The following LNX1 variants were observed in gnomAD, a reference collection of about 807,000 sequenced individuals.
LNX1 encodes the protein E3 ubiquitin-protein ligase LNX.
LNX1 carries 54 observed loss-of-function variants against 68.4 expected under a neutral mutation model. The ratio of observed to expected loss-of-function variants is 0.79; its 90% CI spans 0.63 to 0.99. The LOEUF (loss-of-function observed/expected upper bound fraction) is 0.99. Among genes scored for constraint, LNX1 ranks in the 50% least tolerant of loss-of-function variants. The probability of loss-of-function intolerance (pLI) is 0.00; values close to 1 mark genes in which losing one functional copy is unlikely to be tolerated. For missense variants in LNX1, 906 were observed against 926.4 expected, an observed-to-expected ratio of 0.98 and a Z score of 0.29; for synonymous variants, 336 against 350.0, an observed-to-expected ratio of 0.96 and a Z score of 0.45.
intron 2 of LNX1, among the ~76,000 whole-genome samples, chr4:53,509,343 T>C (rs1210141669): frequency 6.6e-6 from 1 of 152,228 alleles, no homozygotes; most frequent in African/African-American, 2.4e-5. Flanking sequence ...TAAATAGCCC[T>C]TTGAGATCCT....
In LNX1 at chr4:53,459,660, A is replaced by G. The variant is rs940944816; in HGVS notation, c.*1247T>C. On this transcript the variant is annotated 3_prime_UTR_variant, in exon 11 of 11. Transcript: ENST00000263925. ...CTATTTCAAAAATAAAAAGACAGCA[A>G]TGACTTTATATCCAAGAAAGGAATG... is the stretch of plus-strand genomic sequence containing the variant. 7 of 621,202 alleles carry G rather than the reference A, an allele frequency of 1.1e-5. No individual in the cohort carries two copies. The highest frequency in any genetic ancestry group is 7.4e-5 in the African/African-American group (4 of 53,942). The allele number at this position is 621,202 out of a possible 1,614,324, so 38.5% of individuals were successfully genotyped here. A position where few individuals can be genotyped will look rare whatever the true frequency, so the allele number is the denominator to read the frequency against.
At chr4:53,571,694 A>G (rs1731183184) in intron 2 of LNX1, among the ~76,000 whole-genome samples, 1 of 151,946 alleles carries the variant, frequency 6.6e-6, no homozygotes, top group Non-Finnish European at 1.5e-5. Context: ...AGACAGTCTC[A>G]CTTTGTCACT....
intron 2 of LNX1, among the ~76,000 whole-genome samples, chr4:53,526,915 A>G (rs17082949): frequency 0.09 from 13,718 of 152,108 alleles, 607 homozygotes; most frequent in Non-Finnish European, 0.1. Flanking sequence ...AAAATTATAG[A>G]GCTAATTCTT....
At chr4:53,524,955 G>C (rs1727504971) in intron 2 of LNX1, among the ~76,000 whole-genome samples, 1 of 152,130 alleles carries the variant, frequency 6.6e-6, no homozygotes, top group Non-Finnish European at 1.5e-5. Flanking sequence ...CAAGATCTTA[G>C]ACTTCCCCTT....
At chr4:53,502,934 CTTTT>C (rs34766553) in intron 4 of LNX1, among the ~76,000 whole-genome samples, 1 of 144,064 alleles carries the variant, frequency 6.9e-6, no homozygotes, top group Admixed American at 6.9e-5. Flanking sequence ...TTGGTCATAT[CTTTT>C]TTTTTTTTTT....
At chr4:53,636,179 CTTTTTTTT>C (rs11440722) in intron 1 of LNX1, among the ~76,000 whole-genome samples, 6 of 85,248 alleles carry the variant, frequency 7.0e-5, no homozygotes, top group Non-Finnish European at 6.2e-5. Context: ...TCTATTACTC[CTTTTTTTT>C]TTTTTTTTTT....
At chr4:53,540,381 C>T (rs1303726643) in intron 2 of LNX1, among the ~76,000 whole-genome samples, 3 of 151,934 alleles carry the variant, frequency 2.0e-5, no homozygotes, top group Non-Finnish European at 4.4e-5. Flanking sequence ...ACCCTGTCCC[C>T]GCCTCCCCAG....
intron 1 of LNX1, among the ~76,000 whole-genome samples, chr4:53,639,626 T>C (rs537529867): frequency 6.6e-5 from 10 of 152,302 alleles, no homozygotes; most frequent in Admixed American, 2.0e-4. Flanking sequence ...TAGAATGGAC[T>C]GTTTTGGGGT....
intron 9 of LNX1, among the ~76,000 whole-genome samples, chr4:53,465,481 A>G (rs189100257): frequency 1.3e-5 from 2 of 152,184 alleles, no homozygotes; most frequent in African/African-American, 4.8e-5. Flanking sequence ...TGAAGGAGGC[A>G]CTGTATTAAG....
chr4:53,475,593 A>G (rs1476313609), intron 9 of LNX1, among the ~76,000 whole-genome samples: 3 of 152,228 alleles, frequency 2.0e-5, no homozygotes, highest in Non-Finnish European at 4.4e-5. Flanking sequence ...TCATTTTTCC[A>G]TATTTAGTCC....
At chr4:53,613,554 C>T (rs755075608) in intron 2 of LNX1, among the ~76,000 whole-genome samples, 6 of 152,002 alleles carry the variant, frequency 3.9e-5, no homozygotes, top group Admixed American at 6.6e-5. Flanking sequence ...TGTTCCAATG[C>T]GGTATTTGGT....
At chr4:53,610,476 G>C (rs2109847256) in intron 2 of LNX1, among the ~76,000 whole-genome samples, 1 of 152,132 alleles carries the variant, frequency 6.6e-6, no homozygotes, top group East Asian at 1.9e-4. Flanking sequence ...GGGAGGCCGA[G>C]GTGGGCGGAT....
intron 9 of LNX1, among the ~76,000 whole-genome samples, chr4:53,474,303 CA>C (rs774158159): frequency 1.3e-5 from 2 of 152,206 alleles, no homozygotes. Flanking sequence ...AAACACAGGC[CA>C]GGGGTGAGCA....
intron 8 of LNX1, among the ~76,000 whole-genome samples, chr4:53,477,235 A>C (rs1723624078): frequency 6.6e-6 from 1 of 152,242 alleles, no homozygotes; most frequent in Non-Finnish European, 1.5e-5. Context: ...CGCTGAAGGA[A>C]GGAAGGAAGG....
chr4:53,464,522 G>GT (rs1722513363), intron 9 of LNX1, among the ~76,000 whole-genome samples: 1 of 152,042 alleles, frequency 6.6e-6, no homozygotes, highest in Non-Finnish European at 1.5e-5. Context: ...TGGACAATCA[G>GT]TGTTATAAAC....
chr4:53,541,621 C>A lies in LNX1; in HGVS notation c.380+32002G>T, dbSNP rs184435648. The stretch of plus-strand genomic sequence containing the variant: ...GAATAGTTCTGACTTGAGACAAGAA[C>A]AATATAAGGCCAAGAAAACGGACTG... On this transcript the variant is annotated intron_variant, in intron 2 of 10. Coordinates refer to ENST00000263925, the MANE Select transcript of LNX1 (RefSeq NM_001126328.3). 1.4e-4 allele frequency among the ~76,000 whole-genome samples: 22 copies of A among 151,952 alleles called. No individual in the cohort carries two copies. The East Asian group carries it at 3.9e-3, about 27-fold the overall frequency.
chr4:53,648,783 C>G (rs1482902872), intron 1 of LNX1, among the ~76,000 whole-genome samples: 1 of 152,196 alleles, frequency 6.6e-6, no homozygotes, highest in Non-Finnish European at 1.5e-5. Context: ...CAAAAACTCC[C>G]TCAGTCCTGC....
intron 1 of LNX1, among the ~76,000 whole-genome samples, chr4:53,580,541 T>C (rs1178382579): frequency 6.6e-6 from 1 of 152,086 alleles, no homozygotes; most frequent in East Asian, 1.9e-4. Flanking sequence ...CTGGAGTGGG[T>C]AGAGGAGGAG....
intron 2 of LNX1, among the ~76,000 whole-genome samples, chr4:53,573,241 G>A (rs1483305378): frequency 6.6e-6 from 1 of 152,190 alleles, no homozygotes; most frequent in Non-Finnish European, 1.5e-5. Context: ...CTGGGGGAAG[G>A]TGGAATGGGG....
Sources: gnomAD v4.1 joint callset for allele counts (sites outside exome capture counted in the v4.1 genomes callset) on GRCh38, gnomAD v4.1.1 for gene constraint, MANE v1.5 for transcripts, NCBI Gene and HGNC (gene_info 2026-07-23, HGNC 2026-07-21) for gene names.